Variants in SORCS3 observed in about 807,000 individuals in gnomAD.
SORCS3 encodes sortilin related VPS10 domain containing receptor 3, also known as VPS10 domain-containing receptor SorCS3.
Under a neutral mutation model 146.3 loss-of-function variants are expected in SORCS3, and 57 were observed. The observed-to-expected ratio is 0.39, with a 90% CI of 0.31 to 0.49. The LOEUF (loss-of-function observed/expected upper bound fraction) is 0.49, where lower values mean the gene tolerates loss of function less well. Ranked by LOEUF, SORCS3 falls within the 20% of genes least tolerant of loss-of-function variation. The probability of loss-of-function intolerance (pLI) is 0.92; values close to 1 mark genes in which losing one functional copy is unlikely to be tolerated. For synonymous variants in SORCS3, 653 were observed against 618.5 expected, an observed-to-expected ratio of 1.06 and a Z score of -0.83; for missense variants, 1,341 against 1,575.5, an observed-to-expected ratio of 0.85 and a Z score of 2.52.
chr10:105,165,377 C>T (rs941001657), intron 12 of SORCS3, among the ~76,000 whole-genome samples: 2 of 152,062 alleles, frequency 1.3e-5, no homozygotes, highest in Non-Finnish European at 2.9e-5. Context: ...ACAGTTTCTC[C>T]GTGGAGAAGA....
Position 105,260,370 on chromosome 10 carries a change from A to G in SORCS3, c.3444-1961A>G, listed in dbSNP as rs532882362. Among the ~76,000 whole-genome samples the G allele has an allele frequency of 3.9e-5, 6 of 152,366 alleles. No individual in the cohort carries two copies. The South Asian group carries it at 1.2e-3, about 32-fold the overall frequency. ...TTTATGATTGGGAGGAATCTCAGTT[A>G]TTAGACTGTATTTTCATTTATATAA... On this transcript the variant is annotated intron_variant, in intron 25 of 26. Transcript: ENST00000369701.
At chr10:104,828,554 G>C (rs190860269) in intron 1 of SORCS3, among the ~76,000 whole-genome samples, 2 of 152,292 alleles carry the variant, frequency 1.3e-5, no homozygotes, top group Non-Finnish European at 2.9e-5. Context: ...TTGAAATGTT[G>C]TGAGAATTTC....
At chr10:104,922,107 A>G (rs1231553252) in intron 3 of SORCS3, among the ~76,000 whole-genome samples, 1 of 152,186 alleles carries the variant, frequency 6.6e-6, no homozygotes. Context: ...CGCTCTCTGG[A>G]TACAACACAT....
intron 8 of SORCS3, among the ~76,000 whole-genome samples, chr10:105,145,777 T>C (rs888804605): frequency 1.3e-5 from 2 of 151,850 alleles, no homozygotes; most frequent in Non-Finnish European, 2.9e-5. Context: ...GCAAGTGAGG[T>C]CTTAGTCAAG....
chr10:105,158,964 G>C lies in SORCS3; in HGVS notation c.1702G>C (p.Glu568Gln). The C allele has an allele frequency of 6.2e-7, 1 of 1,612,992 alleles. No homozygotes were observed. Among genetic ancestry groups the C allele is most frequent in the East Asian group, 2.2e-5 (1 of 44,824 alleles). Residue 568 changes from glutamate to glutamine, a missense_variant, in exon 11 of 27, where the codon GAG becomes CAG. Transcript: ENST00000369701. ...PYSSGRISSK[E>Q]TAPGLVVATG... ...TTCCTCAGGAAGAATCTCTAGCAAG[G>C]AGACAGCCCCAGGACTTGTGGTGGC...
intron 20 of SORCS3, among the ~76,000 whole-genome samples, chr10:105,238,314 A>G (rs2056804677): frequency 6.6e-6 from 1 of 152,204 alleles, no homozygotes; most frequent in Admixed American, 6.5e-5. Context: ...TTGAGAATAT[A>G]AGGCTAAAAT....
intron 5 of SORCS3, among the ~76,000 whole-genome samples, chr10:105,075,162 A>G (rs148765983): frequency 6.6e-6 from 1 of 152,112 alleles, no homozygotes; most frequent in Non-Finnish European, 1.5e-5. Context: ...ATCTAATTAC[A>G]TGTGGCATGG....
intron 2 of SORCS3, among the ~76,000 whole-genome samples, chr10:104,879,359 A>G (rs537120661): frequency 1.0e-3 from 154 of 152,222 alleles, no homozygotes; most frequent in African/African-American, 3.5e-3. Flanking sequence ...AAAGGCAACC[A>G]TAACAGGCCA....
intron 7 of SORCS3, among the ~76,000 whole-genome samples, chr10:105,135,187 T>C (rs1029252891): frequency 6.6e-6 from 1 of 152,138 alleles, no homozygotes; most frequent in Non-Finnish European, 1.5e-5. Flanking sequence ...TAGGGGACCC[T>C]GCACCCATGG....
At chr10:104,958,472 T>G (rs1347716191) in intron 3 of SORCS3, among the ~76,000 whole-genome samples, 1 of 152,108 alleles carries the variant, frequency 6.6e-6, no homozygotes, top group Non-Finnish European at 1.5e-5. Flanking sequence ...CAGCTGATCT[T>G]AAAATAAGGA....
intron 22 of SORCS3, among the ~76,000 whole-genome samples, chr10:105,249,092 A>G (rs1168004469): frequency 6.6e-6 from 1 of 152,192 alleles, no homozygotes; most frequent in African/African-American, 2.4e-5. Flanking sequence ...AAATTGAACA[A>G]TAGAATTGGT....
intron 7 of SORCS3, among the ~76,000 whole-genome samples, chr10:105,130,379 T>C (rs566912858): frequency 6.6e-6 from 1 of 152,244 alleles, no homozygotes; most frequent in South Asian, 2.1e-4. Flanking sequence ...CTTCTAGTCT[T>C]GTGTGTGGTC....
chr10:104,736,147 T>C (rs1039943400), intron 1 of SORCS3, among the ~76,000 whole-genome samples: 4 of 152,230 alleles, frequency 2.6e-5, no homozygotes, highest in African/African-American at 9.6e-5. Flanking sequence ...CTCCTGCGAC[T>C]GGACTAAATT....
At chr10:104,901,666 C>T (rs766582051) in intron 2 of SORCS3, among the ~76,000 whole-genome samples, 1 of 152,200 alleles carries the variant, frequency 6.6e-6, no homozygotes, top group African/African-American at 2.4e-5. Flanking sequence ...CTTGCCCAGC[C>T]TTTCCTGGTG....
intron 4 of SORCS3, among the ~76,000 whole-genome samples, chr10:104,998,321 A>G (rs1434224720): frequency 1.3e-5 from 2 of 149,314 alleles, no homozygotes; most frequent in Non-Finnish European, 2.9e-5. Flanking sequence ...TTTTCTGTAC[A>G]TTGAAAATAA....
At chr10:104,933,677 G>A (rs772651026) in intron 3 of SORCS3, among the ~76,000 whole-genome samples, 5 of 152,198 alleles carry the variant, frequency 3.3e-5, no homozygotes, top group African/African-American at 9.7e-5. Context: ...GACACGAGCC[G>A]TGTAAATCAT....
At chr10:104,942,842 G>A (rs921154872) in intron 3 of SORCS3, among the ~76,000 whole-genome samples, 1 of 152,180 alleles carries the variant, frequency 6.6e-6, no homozygotes, top group Non-Finnish European at 1.5e-5. Flanking sequence ...CAAACTAAAT[G>A]ATGAAATCTT....
intron 1 of SORCS3, among the ~76,000 whole-genome samples, chr10:104,674,263 T>G (rs1000416559): frequency 6.6e-6 from 1 of 152,370 alleles, no homozygotes; most frequent in Non-Finnish European, 1.5e-5. Context: ...TCTAACAGCC[T>G]TTGCCTTCTA....
chr10:104,794,358 T>G (rs1262916863), intron 1 of SORCS3, among the ~76,000 whole-genome samples: 1 of 152,104 alleles, frequency 6.6e-6, no homozygotes, highest in African/African-American at 2.4e-5. Flanking sequence ...TGGGGCTTTT[T>G]CTATTATGAA....
Sources: allele counts gnomAD v4.1 joint callset (sites outside exome capture counted in the v4.1 genomes callset), GRCh38; gene constraint gnomAD v4.1.1; transcripts MANE v1.5; gene names NCBI Gene and HGNC (gene_info 2026-07-23, HGNC 2026-07-21).